The following WASF1 variants were observed in gnomAD, a reference collection of about 807,000 sequenced individuals.
WASF1 encodes WASP family member 1.
WASF1 carries 7 observed loss-of-function variants against 50.5 expected under a neutral mutation model. The observed-to-expected ratio is 0.14, with a 90% CI of 0.08 to 0.26. WASF1 has a LOEUF of 0.26. Ranked by LOEUF, WASF1 falls within the 10% of genes least tolerant of loss-of-function variation. The probability of loss-of-function intolerance (pLI) is 1.00; values close to 1 mark genes in which losing one functional copy is unlikely to be tolerated. For synonymous variants in WASF1, 205 were observed against 244.0 expected, an observed-to-expected ratio of 0.84 and a Z score of 1.49; for missense variants, 470 against 694.7, an observed-to-expected ratio of 0.68 and a Z score of 3.64.
At chr6:110,172,597 A>C (rs2114625457) in intron 2 of WASF1, among the ~76,000 whole-genome samples, 1 of 152,308 alleles carries the variant, frequency 6.6e-6, no homozygotes, top group South Asian at 2.1e-4. Flanking sequence ...AATACTACTC[A>C]GCCATTAAAA....
At chr6:110,140,220 A>G (rs1239291709) in intron 3 of WASF1, among the ~76,000 whole-genome samples, 1 of 152,190 alleles carries the variant, frequency 6.6e-6, no homozygotes, top group Non-Finnish European at 1.5e-5. Context: ...ACTCATAAGG[A>G]TGGGTCTGGA....
intron 3 of WASF1, among the ~76,000 whole-genome samples, chr6:110,148,235 C>CCATT (rs779339902): frequency 5.3e-5 from 8 of 151,950 alleles, no homozygotes; most frequent in Non-Finnish European, 1.2e-4. Flanking sequence ...ACACTGCCAT[C>CCATT]CATTCATTCA....
chr6:110,146,123 A>G (rs1215613100), intron 3 of WASF1, among the ~76,000 whole-genome samples: 5 of 152,370 alleles, frequency 3.3e-5, no homozygotes, highest in Non-Finnish European at 5.9e-5. Context: ...CCTAAAACTT[A>G]AAGTATAATA....
chr6:110,178,643 C>T lies in WASF1; in HGVS notation c.-172G>A, dbSNP rs1226199044. On this transcript the variant is annotated 5_prime_UTR_variant, in exon 2 of 11. Transcript: ENST00000392589. The stretch of plus-strand genomic sequence containing the variant: ...TTAATTAATCGGTTATAGGGCAGGA[C>T]GTGAATGTTGAGATCGGATGTGCTT... The T allele has an allele frequency of 2.0e-5, 3 of 152,582 alleles. No homozygotes were observed. Among genetic ancestry groups the T allele is most frequent in the Non-Finnish European group, 4.4e-5 (3 of 68,032 alleles). The allele number at this position is 152,582 out of a possible 1,614,324, so 9.5% of individuals were successfully genotyped here.
At chr6:110,147,345 CAA>C (rs575990346) in intron 3 of WASF1, among the ~76,000 whole-genome samples, 24 of 75,032 alleles carry the variant, frequency 3.2e-4, no homozygotes, top group South Asian at 3.9e-4. Flanking sequence ...GACTCCGTCT[CAA>C]AAAAAAAAAA....
In WASF1 at chr6:110,103,503, T is replaced by C. The variant is rs770736690; in HGVS notation, c.768A>G (p.Pro256=). 1.9e-6 allele frequency: 3 copies of C among 1,614,024 alleles called. No individual in the cohort carries two copies. Among genetic ancestry groups the C allele is most frequent in the Admixed American group, 1.7e-5 (1 of 60,018 alleles). ...MDGSYSLSAL[P]FSQMSELLTR... is the part of the protein sequence containing the mutation. Reference sequence around the variant, plus strand: ...TCAGAAGCTCACTCATCTGACTAAATGGCAAGGCAGAAAGTGAGTAAGATC... The same window carrying C: ...TCAGAAGCTCACTCATCTGACTAAACGGCAAGGCAGAAAGTGAGTAAGATC... The change falls in exon 9 of 11, where the codon CCA becomes CCG. Residue 256 remains proline (P), a synonymous_variant. Transcript: ENST00000392589.
At chr6:110,152,242 G>GCTA (rs1435380421) in intron 3 of WASF1, among the ~76,000 whole-genome samples, 1 of 152,138 alleles carries the variant, frequency 6.6e-6, no homozygotes, top group Non-Finnish European at 1.5e-5. Flanking sequence ...AGATGTGGCA[G>GCTA]CTACTGCTGG....
chr6:110,120,453 A>C (rs1774045394), intron 4 of WASF1, among the ~76,000 whole-genome samples: 1 of 152,240 alleles, frequency 6.6e-6, no homozygotes, highest in Non-Finnish European at 1.5e-5. Flanking sequence ...CAAAGAGAAT[A>C]AAATACCTAG....
At chr6:110,143,803 T>C (rs1046401635) in intron 3 of WASF1, among the ~76,000 whole-genome samples, 3 of 152,232 alleles carry the variant, frequency 2.0e-5, no homozygotes, top group African/African-American at 7.2e-5. Context: ...TGTTTCAGTA[T>C]TTTTAAAATG....
intron 3 of WASF1, among the ~76,000 whole-genome samples, chr6:110,149,408 T>C (rs1332174747): frequency 6.7e-6 from 1 of 150,316 alleles, no homozygotes; most frequent in Non-Finnish European, 1.5e-5. Context: ...GCATTTCACC[T>C]TCCAATGCCC....
At chr6:110,147,117 G>C in intron 3 of WASF1, among the ~76,000 whole-genome samples, 1 of 152,212 alleles carries the variant, frequency 6.6e-6, no homozygotes, top group East Asian at 1.9e-4. Context: ...GGAGGCCGAG[G>C]AGGGTGGATC....
chr6:110,108,773 A>G, intron 5 of WASF1, 92 bp from the exon 6 acceptor site: 1 of 1,254,114 alleles, frequency 8.0e-7, no homozygotes, highest in Non-Finnish European at 1.1e-6. Context: ...TCTAAAAGTC[A>G]GCATGGCTCA....
At chr6:110,103,294 GC>G in intron 9 of WASF1, 83 bp downstream of exon 9, 3 of 1,468,508 alleles carry the variant, frequency 2.0e-6, no homozygotes, top group Non-Finnish European at 1.8e-6. Context: ...AGGCCCGAAA[GC>G]CAAAAATACT....
rs1302611031 is a variant in WASF1, at chr6:110,105,426, C to G, written c.694G>C (p.Ala232Pro). ...AGAAACCTTGTTTCAAAATGAGAGG[C>G]TGGGCCATTAGCAACTTCAATATGC... ...HKHIEVANGP[A>P]SHFETRPQTY... The change falls in exon 8 of 11, where the codon GCC becomes CCC. Residue 232 changes from alanine (A) to proline (P), a missense_variant. By Grantham distance (27) the Ala-to-Pro change is conservative. Around this residue, in one of 3 missense-constraint regions of WASF1, gnomAD observed 294 missense variants for 343.5 expected, o/e 0.86. Transcript: ENST00000392589. 1.2e-6 allele frequency: 2 copies of G among 1,603,706 alleles called. No individual in the cohort carries two copies. Among genetic ancestry groups the G allele is most frequent in the African/African-American group, 2.7e-5 (2 of 74,506 alleles).
intron 3 of WASF1, among the ~76,000 whole-genome samples, chr6:110,150,347 G>A (rs1483382217): frequency 1.3e-5 from 2 of 152,180 alleles, no homozygotes; most frequent in Non-Finnish European, 2.9e-5. Context: ...TATGCATGTA[G>A]AGAGAATGAA....
chr6:110,164,143 T>G (rs2114608565), intron 2 of WASF1, among the ~76,000 whole-genome samples: 1 of 151,608 alleles, frequency 6.6e-6, no homozygotes, highest in African/African-American at 2.4e-5. Context: ...TGACTTTGGG[T>G]TTGAAGATGA....
At chr6:110,107,839 T>G (rs1341975483) in intron 6 of WASF1, among the ~76,000 whole-genome samples, 1 of 152,150 alleles carries the variant, frequency 6.6e-6, no homozygotes, top group Admixed American at 6.5e-5. Flanking sequence ...CTATTCATTA[T>G]GTAAGAAGTT....
At chr6:110,132,364 T>C (rs1774717396) in intron 3 of WASF1, among the ~76,000 whole-genome samples, 1 of 151,832 alleles carries the variant, frequency 6.6e-6, no homozygotes, top group South Asian at 2.1e-4. Flanking sequence ...CTATAATCTT[T>C]AATACAATGT....
At chr6:110,133,309 T>C (rs72934077) in intron 3 of WASF1, among the ~76,000 whole-genome samples, 8,302 of 152,026 alleles carry the variant, frequency 0.055, 323 homozygotes, top group Non-Finnish European at 0.085. Flanking sequence ...AACATGCAAG[T>C]GCAAGTATCT....
Sources: gnomAD v4.1 joint callset for allele counts (sites outside exome capture counted in the v4.1 genomes callset) on GRCh38, gnomAD v4.1.1 for gene constraint, gnomAD v4.1.1 regional missense constraint, MANE v1.5 for transcripts, NCBI Gene and HGNC (gene_info 2026-07-23, HGNC 2026-07-21) for gene names.